Variants in GLI3 observed in about 807,000 individuals in gnomAD.
The protein encoded by GLI3 is GLI family zinc finger 3.
GLI3 carries 20 observed loss-of-function variants against 100.8 expected under a neutral mutation model. The ratio of observed to expected loss-of-function variants is 0.20; its 90% CI spans 0.14 to 0.29. The LOEUF (loss-of-function observed/expected upper bound fraction) is 0.29. GLI3 is among the 10% of genes least tolerant of loss of function. GLI3 has a pLI of 1.00. For missense variants in GLI3, 2,040 were observed against 2,128.5 expected, an observed-to-expected ratio of 0.96 and a Z score of 0.82; for synonymous variants, 938 against 860.5, an observed-to-expected ratio of 1.09 and a Z score of -1.58.
At chr7:42,189,357 A>C (rs1787781689) in intron 2 of GLI3, among the ~76,000 whole-genome samples, 1 of 152,212 alleles carries the variant, frequency 6.6e-6, no homozygotes, top group Non-Finnish European at 1.5e-5. Context: ...GTAGAAAGTC[A>C]CCCTATTTAA....
intron 2 of GLI3, among the ~76,000 whole-genome samples, chr7:42,187,293 C>T (rs1032369128): frequency 3.3e-5 from 5 of 151,556 alleles, no homozygotes; most frequent in Non-Finnish European, 7.4e-5. Flanking sequence ...AAGTAAACCC[C>T]AAATACATTT....
intron 10 of GLI3, among the ~76,000 whole-genome samples, chr7:42,000,490 T>C (rs532355388): frequency 2.0e-5 from 3 of 152,276 alleles, no homozygotes; most frequent in Admixed American, 2.0e-4. Flanking sequence ...CCCACAGTCA[T>C]AGGAGGTCCA....
chr7:42,029,854 A>G (rs931707702), intron 7 of GLI3, among the ~76,000 whole-genome samples: 1 of 152,152 alleles, frequency 6.6e-6, no homozygotes, highest in Non-Finnish European at 1.5e-5. Flanking sequence ...GGCAGCACGC[A>G]GTACTCTCTA....
intron 4 of GLI3, among the ~76,000 whole-genome samples, chr7:42,068,676 T>G (rs1784724167): frequency 6.6e-6 from 1 of 152,188 alleles, no homozygotes; most frequent in African/African-American, 2.4e-5. Context: ...CCTGTGTCAT[T>G]GGCCTTTGTT....
rs137906101 is a variant in GLI3 at position 42,099,910 on chromosome 7, C to T, written c.368-23053G>A. Among the ~76,000 whole-genome samples the T allele has an allele frequency of 1.2e-4, 18 of 152,356 alleles. No individual in the cohort carries two copies. In the East Asian group the frequency reaches 3.3e-3, roughly 28 times the overall value. Reference sequence around the variant, plus strand: ...AAGTCTCTGTGACAGCATGCACATGCCAAAGTATTTTCTCTCCATGAGGAT... The same window carrying T: ...AAGTCTCTGTGACAGCATGCACATGTCAAAGTATTTTCTCTCCATGAGGAT... On this transcript the variant is annotated intron_variant, in intron 3 of 14. Coordinates refer to ENST00000395925, the MANE Select transcript of GLI3 (RefSeq NM_000168.6).
intron 3 of GLI3, among the ~76,000 whole-genome samples, chr7:42,127,303 C>A (rs1163145519): frequency 6.6e-6 from 1 of 152,202 alleles, no homozygotes; most frequent in Admixed American, 6.5e-5. Context: ...TTCTCTGACA[C>A]CACAGCCCAT....
intron 2 of GLI3, among the ~76,000 whole-genome samples, chr7:42,215,812 C>T (rs192004637): frequency 2.6e-5 from 4 of 152,268 alleles, no homozygotes; most frequent in Admixed American, 1.3e-4. Context: ...CTAACTCTAG[C>T]CTGTTAAGCT....
intron 2 of GLI3, among the ~76,000 whole-genome samples, chr7:42,218,193 A>C (rs534902063): frequency 1.3e-5 from 2 of 152,156 alleles, no homozygotes; most frequent in Admixed American, 1.3e-4. Flanking sequence ...AAAGGGTTGG[A>C]CCTCTATAGA....
intron 10 of GLI3, among the ~76,000 whole-genome samples, chr7:42,008,507 C>G (rs1280388240): frequency 1.3e-5 from 2 of 152,174 alleles, no homozygotes. Flanking sequence ...AGTGGCTATT[C>G]ACAAGTGCTC....
In GLI3 at chr7:41,964,930, C is replaced by T. The variant is rs2128705079; in HGVS notation, c.4143G>A (p.Arg1381=). The T allele has an allele frequency of 6.2e-7, 1 of 1,613,764 alleles. No individual in the cohort carries two copies. The highest frequency in any genetic ancestry group is 2.2e-5 in the East Asian group (1 of 44,872). The change falls in exon 15 of 15, where the codon AGG becomes AGA. Residue 1381 remains arginine, a synonymous_variant. Transcript: ENST00000395925. The part of the protein sequence containing the change: ...GSQPSSLAVV[R]GYQPCASFGG... Reference sequence around the variant, plus strand: ...CAAAGCTGGCACATGGCTGGTAGCCCCTGACAACTGCCAAGCTTGACGGCT... The same window carrying T: ...CAAAGCTGGCACATGGCTGGTAGCCTCTGACAACTGCCAAGCTTGACGGCT...
intron 3 of GLI3, among the ~76,000 whole-genome samples, chr7:42,098,014 C>T (rs975228632): frequency 6.6e-6 from 1 of 152,062 alleles, no homozygotes; most frequent in Non-Finnish European, 1.5e-5. Flanking sequence ...AGATTATGCT[C>T]AGAGAGGTTA....
At chr7:42,056,701 A>G (rs1297108736) in intron 4 of GLI3, among the ~76,000 whole-genome samples, 2 of 152,098 alleles carry the variant, frequency 1.3e-5, no homozygotes, top group African/African-American at 4.8e-5. Flanking sequence ...CTATAATCCC[A>G]GCACTTTGGG....
chr7:42,055,018 T>C (rs1784423135), intron 4 of GLI3, among the ~76,000 whole-genome samples: 4 of 141,968 alleles, frequency 2.8e-5, no homozygotes, highest in Admixed American at 1.4e-4. Flanking sequence ...TATACCTATA[T>C]ACATATACAC....
chr7:42,169,446 T>G (rs1787316179), intron 2 of GLI3, among the ~76,000 whole-genome samples: 2 of 152,196 alleles, frequency 1.3e-5, no homozygotes, highest in Admixed American at 1.3e-4. Flanking sequence ...TGTCTTGGTA[T>G]CAAACGAAAA....
At chr7:41,978,020 T>C in intron 11 of GLI3, 1 of 459,056 alleles carries the variant, frequency 2.2e-6, no homozygotes. Flanking sequence ...TTCCCACTGA[T>C]TTCAGATTCA....
At chr7:42,178,480 G>A (rs774006317) in intron 2 of GLI3, among the ~76,000 whole-genome samples, 1 of 152,062 alleles carries the variant, frequency 6.6e-6, no homozygotes, top group South Asian at 2.1e-4. Context: ...AAAGCTAAAC[G>A]GCCTTGCCTC....
At chr7:42,093,931 T>C (rs940928184) in intron 3 of GLI3, among the ~76,000 whole-genome samples, 3 of 151,984 alleles carry the variant, frequency 2.0e-5, no homozygotes, top group African/African-American at 7.3e-5. Context: ...AGTGCTAAAG[T>C]CCAACTCCCT....
chr7:42,151,147 A>G (rs1041601576), intron 2 of GLI3: 2 of 152,168 alleles, frequency 1.3e-5, no homozygotes, highest in African/African-American at 2.4e-5. Context: ...TTGCTTTTAC[A>G]ATAGTCAGTG....
At chr7:42,036,667 A>T (rs1789447067) in intron 7 of GLI3, among the ~76,000 whole-genome samples, 1 of 152,244 alleles carries the variant, frequency 6.6e-6, no homozygotes, top group South Asian at 2.1e-4. Context: ...AAATGTAAAC[A>T]TCATTACTGA....
Sources: gnomAD v4.1 joint callset for allele counts (sites outside exome capture counted in the v4.1 genomes callset) on GRCh38, gnomAD v4.1.1 for gene constraint, MANE v1.5 for transcripts, NCBI Gene and HGNC (gene_info 2026-07-23, HGNC 2026-07-21) for gene names.